The following MMP16 variants were observed in gnomAD, a reference collection of about 807,000 sequenced individuals.
The protein encoded by MMP16 is matrix metallopeptidase 16, also known as matrix metalloproteinase-16.
Under a neutral mutation model 67.8 loss-of-function variants are expected in MMP16, and 12 were observed. The ratio of observed to expected loss-of-function variants is 0.18; its 90% CI spans 0.11 to 0.29. The LOEUF is 0.29. MMP16 is among the 10% of genes least tolerant of loss of function. MMP16 has a pLI of 1.00. For missense variants in MMP16, 475 were observed against 765.7 expected (o/e 0.62, Z 4.48); for synonymous variants, 249 against 255.9 (o/e 0.97, Z 0.26).
At chr8:88,265,932 T>C (rs1046367649) in intron 1 of MMP16, among the ~76,000 whole-genome samples, 2 of 152,130 alleles carry the variant, frequency 1.3e-5, no homozygotes, top group African/African-American at 4.8e-5. Context: ...ATCAGGGCAA[T>C]CTGGATCTGA....
At chr8:88,241,741 AT>A (rs1394851738) in intron 1 of MMP16, among the ~76,000 whole-genome samples, 1 of 152,082 alleles carries the variant, frequency 6.6e-6, no homozygotes, top group Non-Finnish European at 1.5e-5. Context: ...ATAATTGTAT[AT>A]ATTTATGAAG....
chr8:88,173,505 CAATT>C (rs1808838638), intron 3 of MMP16, among the ~76,000 whole-genome samples: 1 of 151,908 alleles, frequency 6.6e-6, no homozygotes, highest in African/African-American at 2.4e-5. Context: ...CTCCTTTACT[CAATT>C]AAATAGATAA....
At chr8:88,061,127 TACACACACACACACACACAC>T (rs149547108) in intron 7 of MMP16, among the ~76,000 whole-genome samples, 9 of 143,068 alleles carry the variant, frequency 6.3e-5, no homozygotes, top group African/African-American at 2.1e-4. Flanking sequence ...CTGAATATTA[TACACACACACACACACACAC>T]ACACACACAC....
intron 5 of MMP16, among the ~76,000 whole-genome samples, chr8:88,117,844 A>G (rs917291425): frequency 4.6e-5 from 7 of 152,222 alleles, no homozygotes; most frequent in Middle Eastern, 3.4e-3. Context: ...CTGGATATTA[A>G]CATACAGATA....
At chr8:88,159,948 T>G (rs1014186583) in intron 4 of MMP16, among the ~76,000 whole-genome samples, 5 of 149,350 alleles carry the variant, frequency 3.3e-5, no homozygotes, top group Admixed American at 6.7e-5. Flanking sequence ...TGATTTGTTG[T>G]TTTTTTTTCA....
intron 1 of MMP16, among the ~76,000 whole-genome samples, chr8:88,277,740 T>G (rs1810669762): frequency 6.6e-6 from 1 of 152,228 alleles, no homozygotes; most frequent in Admixed American, 6.5e-5. Flanking sequence ...AAGCCTGCAC[T>G]GTGTGTAAGA....
At chr8:88,111,066 A>T (rs1304077069) in intron 6 of MMP16, among the ~76,000 whole-genome samples, 2 of 151,646 alleles carry the variant, frequency 1.3e-5, no homozygotes, top group Non-Finnish European at 3.0e-5. Flanking sequence ...AGCAAATGGG[A>T]TCTGACTCGA....
At chr8:88,044,981 C>T in intron 9 of MMP16, among the ~76,000 whole-genome samples, 1 of 152,138 alleles carries the variant, frequency 6.6e-6, no homozygotes, top group Admixed American at 6.5e-5. Flanking sequence ...CTCTCTTATT[C>T]CTTTCCCTTT....
chr8:88,219,867 T>C (rs528703991), intron 1 of MMP16, among the ~76,000 whole-genome samples: 1 of 152,296 alleles, frequency 6.6e-6, no homozygotes, highest in African/African-American at 2.4e-5. Flanking sequence ...GAAGCAGATA[T>C]ATTCATCTTT....
At position 88,034,247 on chromosome 8, in the gene MMP16, A is replaced by T. The variant is rs529905974; in HGVS notation, c.*7214T>A. On this transcript the variant is annotated 3_prime_UTR_variant, in exon 10 of 10. Coordinates refer to ENST00000286614, the MANE Select transcript of MMP16 (RefSeq NM_005941.5). The stretch of plus-strand genomic sequence containing the variant: ...GAAAACCAAATCTGTGTAAAAAAAA[A>T]AAAAAAAGGCAAGATAGGAATAGAA... 6.6e-6 allele frequency: 1 copy of T among 152,308 alleles called. No homozygotes were observed. Among genetic ancestry groups the T allele is most frequent in the Non-Finnish European group, 1.5e-5 (1 of 67,930 alleles). 9.4% of individuals were successfully genotyped at this position (152,308 alleles called of 1,614,324 possible). A position where few individuals can be genotyped will look rare whatever the true frequency, so the allele number is the denominator to read the frequency against.
In MMP16 at chr8:88,174,870, T is replaced by C. The variant is rs549849769; in HGVS notation, c.405-6897A>G. ...TCCGGGTTCAAGCAATTCTCCTGCC[T>C]AGCCTACTGAGTTGCAGGGATAAAA... On this transcript the variant is annotated intron_variant, in intron 3 of 9. Transcript: ENST00000286614. 3.9e-5 allele frequency among the ~76,000 whole-genome samples: 6 copies of C among 152,010 alleles called. No homozygotes were observed. In the East Asian group the frequency reaches 1.2e-3, roughly 30 times the overall value.
At chr8:88,248,916 A>C (rs1487178175) in intron 1 of MMP16, among the ~76,000 whole-genome samples, 3 of 152,118 alleles carry the variant, frequency 2.0e-5, no homozygotes, top group African/African-American at 7.2e-5. Context: ...CATCAAATGT[A>C]ATCTGTAATT....
chr8:88,056,415 T>A (rs948511630), intron 7 of MMP16, 137 bp from the exon 8 acceptor site: 1 of 283,132 alleles, frequency 3.5e-6, no homozygotes, highest in Non-Finnish European at 5.9e-6. Context: ...TATTAAATAC[T>A]TGAAATAAGT....
chr8:88,327,167 A>T lies in MMP16; in HGVS notation c.40T>A (p.Phe14Ile). Reference protein sequence around the residue: ...LTFSTGRRLDFVHHSGVFFLQ... With the variant: ...LTFSTGRRLDIVHHSGVFFLQ... ...AAAAACACCCCCGAATGATGCACGA[A>T]ATCCAACCGTCTTCCAGTGCTGAAT... Residue 14 changes from phenylalanine to isoleucine, a missense_variant, in exon 1 of 10, where the codon TTC (phenylalanine) becomes ATC (isoleucine). Phe to Ile is a conservative substitution (Grantham distance 21). Transcript: ENST00000286614. The T allele has an allele frequency of 6.2e-7, 1 of 1,614,060 alleles. No homozygotes were observed. Among genetic ancestry groups the T allele is most frequent in the Non-Finnish European group, 8.5e-7 (1 of 1,179,988 alleles).
intron 1 of MMP16, among the ~76,000 whole-genome samples, chr8:88,283,521 C>T (rs933142862): frequency 2.6e-5 from 4 of 152,120 alleles, no homozygotes; most frequent in Non-Finnish European, 5.9e-5. Flanking sequence ...TTTACAGAAA[C>T]TTGACAGGGC....
chr8:88,306,285 A>G (rs1811210662), intron 1 of MMP16, among the ~76,000 whole-genome samples: 1 of 152,184 alleles, frequency 6.6e-6, no homozygotes, highest in African/African-American at 2.4e-5. Context: ...AACTGAGGCC[A>G]TAATAAATAG....
At chr8:88,217,863 G>T (rs1482286555) in intron 1 of MMP16, among the ~76,000 whole-genome samples, 2 of 152,064 alleles carry the variant, frequency 1.3e-5, no homozygotes, top group African/African-American at 2.4e-5. Context: ...TAAGTTAGAT[G>T]CTTGGAGACA....
chr8:88,066,353 G>A (rs1808462957), intron 7 of MMP16, among the ~76,000 whole-genome samples: 1 of 151,938 alleles, frequency 6.6e-6, no homozygotes, highest in Non-Finnish European at 1.5e-5. Flanking sequence ...TGGAAAGATA[G>A]CTAACTAGCA....
intron 1 of MMP16, among the ~76,000 whole-genome samples, chr8:88,233,124 T>G (rs1809887562): frequency 6.6e-6 from 1 of 152,178 alleles, no homozygotes; most frequent in Non-Finnish European, 1.5e-5. Flanking sequence ...CCATTAGAAT[T>G]AAATCAGGTA....
Sources: allele counts gnomAD v4.1 joint callset (sites outside exome capture counted in the v4.1 genomes callset), GRCh38; gene constraint gnomAD v4.1.1; transcripts MANE v1.5; gene names NCBI Gene and HGNC (gene_info 2026-07-23, HGNC 2026-07-21).